Variants in RNF170 observed in about 807,000 individuals in gnomAD.
RNF170 encodes the protein E3 ubiquitin-protein ligase RNF170.
In RNF170, 12 loss-of-function variants were observed where a neutral mutation model predicts 32.7. The ratio of observed to expected loss-of-function variants is 0.37; its 90% confidence interval spans 0.24 to 0.60. RNF170 has a LOEUF of 0.60. RNF170 is among the 20% of genes least tolerant of loss of function. The probability of loss-of-function intolerance (pLI) is 0.72; values close to 1 mark genes in which losing one functional copy is unlikely to be tolerated. For missense variants in RNF170, 212 were observed against 311.2 expected, an observed-to-expected ratio of 0.68 and a Z score of 2.40; for synonymous variants, 91 against 103.6, an observed-to-expected ratio of 0.88 and a Z score of 0.74.
chr8:42,887,233 G>A (rs1805897636), intron 2 of RNF170, among the ~76,000 whole-genome samples: 1 of 152,104 alleles, frequency 6.6e-6, no homozygotes, highest in African/African-American at 2.4e-5. Flanking sequence ...CAGAGGTTGT[G>A]GTGAGCTGAG....
Position 42,855,465 on chromosome 8 carries a change from C to T in RNF170, c.*694G>A. ...TGACCTTGTGATCTACCCGCCTCAG[C>T]CTCCCAAAGTGCTAGGATTACAGGC... On this transcript the variant is annotated 3_prime_UTR_variant, in exon 7 of 7. Transcript: ENST00000527424. The T allele has an allele frequency of 2.0e-6, 2 of 993,768 alleles. No homozygotes were observed. The allele number at this position is 993,768 out of a possible 1,614,324, so 61.6% of individuals were successfully genotyped here.
rs1000036965 is a variant in RNF170 at position 42,869,411 on chromosome 8, T to C, written c.322+593A>G. On this transcript the variant is annotated intron_variant, in intron 4 of 6. Coordinates refer to ENST00000527424, the MANE Select transcript of RNF170 (RefSeq NM_030954.4). ...GGTGGAAAGCACTCCTTCCTGATAC[T>C]AAGTAAGTGTGAAATTATTCCCTTC... Among the ~76,000 whole-genome samples the C allele has an allele frequency of 2.0e-5, 3 of 152,180 alleles. No homozygotes were observed. The South Asian group carries it at 6.2e-4, about 32-fold the overall frequency.
intron 2 of RNF170, among the ~76,000 whole-genome samples, chr8:42,877,234 TTTTTGA>T (rs1422335015): frequency 1.3e-5 from 2 of 151,848 alleles, no homozygotes; most frequent in Non-Finnish European, 2.9e-5. Flanking sequence ...CCTGTTTTTG[TTTTTGA>T]GACAGATCTC....
chr8:42,863,980 A>AGAGAGTGTGTGT (rs149654513), intron 5 of RNF170, among the ~76,000 whole-genome samples: 6 of 139,582 alleles, frequency 4.3e-5, no homozygotes, highest in African/African-American at 1.6e-4. Flanking sequence ...AGAGAGAGAG[A>AGAGAGTGTGTGT]GTGTGTGTGT....
chr8:42,887,821 T>C lies in RNF170; in HGVS notation c.44A>G (p.Asp15Gly), dbSNP rs1292828454. 1 of 1,613,946 alleles carries C rather than the reference T, an allele frequency of 6.2e-7. No individual in the cohort carries two copies. The highest frequency in any genetic ancestry group is 8.5e-7 in the Non-Finnish European group (1 of 1,179,818). Reference protein sequence around the residue: ...QGEVQSLKLDDDSVIEGVSDQ... With the variant: ...QGEVQSLKLDGDSVIEGVSDQ... ...GCTTACTCCTTCTATAACTGAATCA[T>C]CATCCAGTTTCAAACTTTGAACTTC... is the stretch of plus-strand genomic sequence containing the variant. The change falls in exon 2 of 7, where the codon GAT (aspartate) becomes GGT (glycine). Residue 15 changes from aspartate to glycine, a missense_variant. Around this residue, in one of 2 missense-constraint regions of RNF170, gnomAD observed 115 missense variants for 132.3 expected, o/e 0.87. Coordinates refer to ENST00000527424, the MANE Select transcript of RNF170 (RefSeq NM_030954.4).
In RNF170 at chr8:42,891,910, TCA is replaced by T. The variant is rs1271379203; in HGVS notation, c.-7-4041_-7-4040del. 2.0e-5 allele frequency among the ~76,000 whole-genome samples: 3 copies of T among 152,320 alleles called. No individual in the cohort carries two copies. In the South Asian group the frequency reaches 6.2e-4, roughly 32 times the overall value. On this transcript the variant is annotated intron_variant, in intron 1 of 6. Coordinates refer to ENST00000527424, the MANE Select transcript of RNF170 (RefSeq NM_030954.4). Reference sequence around the variant, plus strand: ...CCATCACCCTCCCTAGGACACAGTTTCACAGTTTCAATTCTTTCAAGTATGAA... The same window carrying T: ...CCATCACCCTCCCTAGGACACAGTTTCAGTTTCAATTCTTTCAAGTATGAA...
intron 5 of RNF170, among the ~76,000 whole-genome samples, chr8:42,864,217 C>T (rs980494809): frequency 6.6e-6 from 1 of 151,826 alleles, no homozygotes; most frequent in Non-Finnish European, 1.5e-5. Context: ...CCTCAGCCTC[C>T]CAAGTAGCTG....
At position 42,854,977 on chromosome 8, in the gene RNF170, T is replaced by C. The variant is rs1803136362; in HGVS notation, c.*1182A>G. ...AATTTGTCCAATCTGTTGCTATAGCTAACCAGTAATTTCTTTTGTCAAATG... is the reference window on the plus strand; with the variant it reads ...AATTTGTCCAATCTGTTGCTATAGCCAACCAGTAATTTCTTTTGTCAAATG... On this transcript the variant is annotated 3_prime_UTR_variant, in exon 7 of 7. Coordinates refer to ENST00000527424, the MANE Select transcript of RNF170 (RefSeq NM_030954.4). 1 of 1,287,234 alleles carries C rather than the reference T, an allele frequency of 7.8e-7. No individual in the cohort carries two copies. The highest frequency in any genetic ancestry group is 2.3e-5 in the Admixed American group (1 of 43,558). The allele number at this position is 1,287,234 out of a possible 1,614,324, so 79.7% of individuals were successfully genotyped here. A position where few individuals can be genotyped will look rare whatever the true frequency, so the allele number is the denominator to read the frequency against.
In RNF170 at chr8:42,854,385, A is replaced by C; in HGVS notation, c.*1774T>G. ...GTTATTTGTTGTATGACTTCATTCA[A>C]AAACACTTTCATCAATAGCATGGGG... On this transcript the variant is annotated 3_prime_UTR_variant, in exon 7 of 7. Transcript: ENST00000527424. 7.8e-7 allele frequency: 1 copy of C among 1,287,254 alleles called. No homozygotes were observed. Among genetic ancestry groups the C allele is most frequent in the Non-Finnish European group, 1.0e-6 (1 of 988,700 alleles). 79.7% of individuals were successfully genotyped at this position (1,287,254 alleles called of 1,614,324 possible).
At chr8:42,857,844 G>C (rs61709546) in intron 6 of RNF170, among the ~76,000 whole-genome samples, 12,715 of 152,184 alleles carry the variant, frequency 0.084, 807 homozygotes, top group East Asian at 0.24. Flanking sequence ...AGATCAGCCT[G>C]GAAAGCAGGG....
chr8:42,853,884 G>C lies in RNF170; in HGVS notation c.*2275C>G, dbSNP rs911834575. On this transcript the variant is annotated 3_prime_UTR_variant, in exon 7 of 7. Transcript: ENST00000527424. ...ATTTGGTACAATACACCTCTTTCAG[G>C]AAAGTCTTAGTAGTAACTCCAAATA... The C allele has an allele frequency of 1.0e-4, 134 of 1,286,584 alleles. No individual in the cohort carries two copies. The highest frequency in any genetic ancestry group is 1.3e-4 in the Non-Finnish European group (125 of 988,348). The allele number at this position is 1,286,584 out of a possible 1,614,324, so 79.7% of individuals were successfully genotyped here. A position where few individuals can be genotyped will look rare whatever the true frequency, so the allele number is the denominator to read the frequency against.
At position 42,883,501 on chromosome 8, in the gene RNF170, G is replaced by A. The variant is rs543670068; in HGVS notation, c.137+4227C>T. Among the ~76,000 whole-genome samples the A allele has an allele frequency of 1.9e-4, 28 of 149,818 alleles. 1 individual carries two copies. The South Asian group carries it at 3.0e-3, about 16-fold the overall frequency. ...GAAGAATCGCTTGAACCCGGGAGGCGGAGCTTGCAGTGAGCCGAGATTGCG... is the reference window on the plus strand; with the variant it reads ...GAAGAATCGCTTGAACCCGGGAGGCAGAGCTTGCAGTGAGCCGAGATTGCG... On this transcript the variant is annotated intron_variant, in intron 2 of 6. Transcript: ENST00000527424.
chr8:42,868,502 AACCACTAATCATGCAGAACTGAGC>A (rs1804283964), intron 4 of RNF170, among the ~76,000 whole-genome samples: 1 of 152,204 alleles, frequency 6.6e-6, no homozygotes, highest in Admixed American at 6.5e-5. Context: ...CTATTGTATG[AACCACTAATCATGCAGAACTGAGC>A]ACAGGGATTG....
intron 6 of RNF170, 77 bp from the exon 7 acceptor site, chr8:42,856,505 T>A: frequency 1.9e-6 from 2 of 1,026,958 alleles, no homozygotes; most frequent in Non-Finnish European, 3.0e-6. Context: ...TTTCTTACTA[T>A]ATGTAAACAT....
At chr8:42,852,422 T>A (rs1336478278), downstream of RNF170, among the ~76,000 whole-genome samples, 5 of 152,192 alleles carry the variant, frequency 3.3e-5, no homozygotes, top group Admixed American at 2.0e-4. Context: ...TTCATTTATT[T>A]TTTTTTAATT....
Position 42,872,448 on chromosome 8 carries a change from T to A in RNF170, c.213+1483A>T, listed in dbSNP as rs191841064. On this transcript the variant is annotated intron_variant, in intron 3 of 6. Transcript: ENST00000527424. The stretch of plus-strand genomic sequence containing the variant: ...CAGTACTACTAATAGGCTTAAACTA[T>A]TCTGTCTTTTTTAGACGGAGTCTCA... Among the ~76,000 whole-genome samples, 17 of 152,264 alleles carry A rather than the reference T, an allele frequency of 1.1e-4. No homozygotes were observed. In the East Asian group the frequency reaches 3.3e-3, roughly 29 times the overall value.
Position 42,867,501 on chromosome 8 carries a change from C to T in RNF170, c.323-2012G>A, listed in dbSNP as rs1458561191. ...AAAAAAAAAAAAAAAAAAGGCCGGG[C>T]GCGGTGGCTCACACCTGTAATCCCA... On this transcript the variant is annotated intron_variant, in intron 4 of 6. Transcript: ENST00000527424. Among the ~76,000 whole-genome samples, 8 of 139,076 alleles carry T rather than the reference C, an allele frequency of 5.8e-5. No individual in the cohort carries two copies. The East Asian group carries it at 1.1e-3, about 18-fold the overall frequency. The allele number at this position is 139,076 out of a possible 152,430, so 91.2% of individuals were successfully genotyped here. A position where few individuals can be genotyped will look rare whatever the true frequency, so the allele number is the denominator to read the frequency against.
intron 2 of RNF170, among the ~76,000 whole-genome samples, chr8:42,874,899 C>T (rs890093708): frequency 4.7e-5 from 7 of 150,182 alleles, no homozygotes; most frequent in East Asian, 4.0e-4. Flanking sequence ...TGGCTGGGCA[C>T]GGTGGCTCAT....
At chr8:42,863,760 C>T (rs1272020843) in intron 5 of RNF170, among the ~76,000 whole-genome samples, 1 of 152,148 alleles carries the variant, frequency 6.6e-6, no homozygotes, top group Non-Finnish European at 1.5e-5. Context: ...ATGTTGACTG[C>T]CTTGTGTCAC....
Sources: gnomAD v4.1 joint callset for allele counts (sites outside exome capture counted in the v4.1 genomes callset) on GRCh38, gnomAD v4.1.1 for gene constraint, gnomAD v4.1.1 regional missense constraint, MANE v1.5 for transcripts, NCBI Gene and HGNC (gene_info 2026-07-23, HGNC 2026-07-21) for gene names.